DMD: variants seen among roughly 807,000 people sequenced by gnomAD.
The protein encoded by DMD is dystrophin.
Under a neutral mutation model 330.1 loss-of-function variants are expected in DMD, and 63 were observed. The ratio of observed to expected loss-of-function variants is 0.19; its 90% CI spans 0.16 to 0.24. The LOEUF (loss-of-function observed/expected upper bound fraction) is 0.24. DMD is among the 10% of genes least tolerant of loss of function. DMD has a pLI of 1.00. For missense variants in DMD, 3,344 were observed against 2,684.1 expected (o/e 1.25, Z -5.43); for synonymous variants, 1,223 against 959.8 (o/e 1.27, Z -5.07).
At chrX:31,754,188 AT>A (rs2088852388) in intron 51 of DMD, among the ~76,000 whole-genome samples, 1 of 111,587 alleles carries the variant, frequency 9.0e-6, no homozygotes, top group South Asian at 3.7e-4. Context: ...TATTAGAAAG[AT>A]TTCTGACAAG....
intron 44 of DMD, among the ~76,000 whole-genome samples, chrX:32,024,673 A>G (rs2095834294): frequency 9.0e-6 from 1 of 111,237 alleles, no homozygotes; most frequent in African/African-American, 3.3e-5. Context: ...CTAGCTAAAT[A>G]AGTATAATAA....
At chrX:31,173,699 T>G (rs2040234103) in intron 71 of DMD, 95 bp from the exon 72 acceptor site, 1 of 712,680 alleles carries the variant, frequency 1.4e-6, no homozygotes, top group Non-Finnish European at 2.1e-6. Flanking sequence ...CCTAGAATGC[T>G]TTTATTCTAA....
rs535161594 is a variant in DMD, at chrX:32,056,340, T to G, written c.6439-87826A>C. On this transcript the variant is annotated intron_variant, in intron 44 of 78. Transcript: ENST00000357033. ...ATAGAAAAATCAACAAAGCTAAGAG[T>G]TTTTTTAAAAACAAATCAATAAAAT... is the stretch of plus-strand genomic sequence containing the variant. Among the ~76,000 whole-genome samples the G allele has an allele frequency of 8.0e-4, 75 of 93,627 alleles. 1 individual carries two copies. The South Asian group carries it at 0.02, about 26-fold the overall frequency. The allele number at this position is 93,627 out of a possible 115,157, so 81.3% of individuals were successfully genotyped here.
intron 44 of DMD, among the ~76,000 whole-genome samples, chrX:32,090,545 C>T (rs1439357055): frequency 9.0e-6 from 1 of 111,255 alleles, no homozygotes; most frequent in East Asian, 2.8e-4. Flanking sequence ...TTATCCACAG[C>T]CTCAGGGAAA....
intron 16 of DMD, among the ~76,000 whole-genome samples, chrX:32,557,010 T>TGA (rs1055845595): frequency 1.8e-4 from 20 of 111,955 alleles, no homozygotes; most frequent in African/African-American, 6.2e-4. Context: ...ATAAGTGTTT[T>TGA]GAATTGATTA....
chrX:32,169,155 A>G (rs1305527711), intron 44 of DMD, among the ~76,000 whole-genome samples: 2 of 112,016 alleles, frequency 1.8e-5, no homozygotes, highest in African/African-American at 6.5e-5. Context: ...AATGGTACCA[A>G]GAGTTACAGC....
At chrX:31,601,433 C>T (rs1489051770) in intron 55 of DMD, among the ~76,000 whole-genome samples, 1 of 112,150 alleles carries the variant, frequency 8.9e-6, no homozygotes, top group Non-Finnish European at 1.9e-5. Context: ...CCAGTCTGTT[C>T]CAGATCGTGG....
intron 1 of DMD, among the ~76,000 whole-genome samples, chrX:33,030,081 A>G (rs997004716): frequency 3.6e-5 from 4 of 111,588 alleles, no homozygotes; most frequent in Non-Finnish European, 7.5e-5. Context: ...TCATGGTAAT[A>G]GTAATAAAGA....
At chrX:32,577,704 A>G (rs2053215569) in intron 13 of DMD, among the ~76,000 whole-genome samples, 1 of 112,206 alleles carries the variant, frequency 8.9e-6, no homozygotes, top group African/African-American at 3.2e-5. Flanking sequence ...TTCCAACACA[A>G]GACAGCATGA....
At chrX:33,050,390 GGGCT>G (rs1251218320) in intron 1 of DMD, among the ~76,000 whole-genome samples, 2 of 111,417 alleles carry the variant, frequency 1.8e-5, no homozygotes, top group Non-Finnish European at 3.8e-5. Flanking sequence ...TGGTGAGGGT[GGGCT>G]AGAAATGATT....
chrX:31,427,176 TACCCGATA>T lies in DMD; in HGVS notation c.9084+17297_9084+17304del, dbSNP rs1237866250. On this transcript the variant is annotated intron_variant, in intron 60 of 78. Transcript: ENST00000357033. Reference sequence around the variant, plus strand: ...CACCTCTGCTGCCTTCCCCACCATATACCCGATAACTCAGTCATTCCAGACTTATAAAC... The same window carrying T: ...CACCTCTGCTGCCTTCCCCACCATATACTCAGTCATTCCAGACTTATAAAC... Among the ~76,000 whole-genome samples the T allele has an allele frequency of 4.5e-5, 5 of 111,931 alleles. No individual in the cohort carries two copies. The East Asian group carries it at 1.4e-3, about 31-fold the overall frequency.
At chrX:33,132,171 G>A (rs985757049) in intron 1 of DMD, among the ~76,000 whole-genome samples, 6 of 112,077 alleles carry the variant, frequency 5.4e-5, no homozygotes, top group African/African-American at 9.7e-5. Context: ...AAACATTTTC[G>A]TTGGCAGTGA....
intron 1 of DMD, among the ~76,000 whole-genome samples, chrX:33,116,899 G>T (rs759631564): frequency 1.8e-5 from 2 of 110,736 alleles, no homozygotes; most frequent in Non-Finnish European, 3.8e-5. Context: ...ACCCTTAAAA[G>T]TGTATAGCCA....
intron 64 of DMD, among the ~76,000 whole-genome samples, chrX:31,215,082 C>T (rs1431856537): frequency 6.6e-5 from 7 of 106,174 alleles, no homozygotes; most frequent in South Asian, 4.4e-4. Flanking sequence ...GCTGGGACTA[C>T]AGTCGCTCGC....
intron 11 of DMD, among the ~76,000 whole-genome samples, chrX:32,616,762 TC>T (rs1173765596): frequency 1.6e-4 from 16 of 99,444 alleles, no homozygotes; most frequent in Non-Finnish European, 3.0e-4. Flanking sequence ...CTAGGTATGC[TC>T]CTTGCTTCTA....
chrX:31,486,238 A>G (rs2068795990), intron 57 of DMD, among the ~76,000 whole-genome samples: 1 of 112,625 alleles, frequency 8.9e-6, no homozygotes, highest in Admixed American at 9.4e-5. Flanking sequence ...CATATAGTAA[A>G]TGCTCAGTAA....
chrX:31,507,528 G>A, intron 55 of DMD, 75 bp from the exon 56 acceptor site: 3 of 962,112 alleles, frequency 3.1e-6, no homozygotes, highest in East Asian at 3.3e-5. Flanking sequence ...TGAATTTGGA[G>A]AATTGCAAAA....
At chrX:32,238,965 CTCTCT>C (rs1195657683) in intron 43 of DMD, among the ~76,000 whole-genome samples, 1 of 111,696 alleles carries the variant, frequency 9.0e-6, no homozygotes, top group African/African-American at 3.3e-5. Flanking sequence ...CCACAGTTGC[CTCTCT>C]TCTGTTTTAT....
chrX:32,656,549 G>T (rs779836561), intron 9 of DMD, among the ~76,000 whole-genome samples: 2 of 112,040 alleles, frequency 1.8e-5, no homozygotes, highest in Non-Finnish European at 3.8e-5. Context: ...CTATAAAAAT[G>T]TATCTGTAAA....
Sources: gnomAD v4.1 joint callset for allele counts (sites outside exome capture counted in the v4.1 genomes callset) on GRCh38, gnomAD v4.1.1 for gene constraint, MANE v1.5 for transcripts, NCBI Gene and HGNC (gene_info 2026-07-23, HGNC 2026-07-21) for gene names.